Variants in SYT1 observed in about 807,000 individuals in gnomAD.
The protein encoded by SYT1 is synaptotagmin 1, also known as synaptotagmin-1.
In SYT1, 8 loss-of-function variants were observed where a neutral mutation model predicts 44.8. The observed-to-expected ratio is 0.18, with a 90% CI of 0.10 to 0.32. SYT1 has a LOEUF of 0.32. SYT1 is among the 10% of genes least tolerant of loss of function. The pLI, the probability that SYT1 is intolerant of heterozygous loss-of-function variation, is 1.00. For missense variants in SYT1, 286 were observed against 509.3 expected, an observed-to-expected ratio of 0.56 and a Z score of 4.22; for synonymous variants, 154 against 188.8, an observed-to-expected ratio of 0.82 and a Z score of 1.51.
At chr12:78,992,325 G>A (rs745583538) in intron 2 of SYT1, among the ~76,000 whole-genome samples, 12 of 152,166 alleles carry the variant, frequency 7.9e-5, no homozygotes, top group Admixed American at 2.6e-4. Flanking sequence ...GGTAGTTATG[G>A]TTTTTCCCAA....
intron 3 of SYT1, among the ~76,000 whole-genome samples, chr12:79,209,859 C>T (rs1019863395): frequency 2.6e-5 from 4 of 152,188 alleles, no homozygotes; most frequent in African/African-American, 7.2e-5. Context: ...TAACACCTTC[C>T]ATAATATCTC....
At chr12:79,017,646 A>C (rs567489025) in intron 2 of SYT1, among the ~76,000 whole-genome samples, 1 of 152,196 alleles carries the variant, frequency 6.6e-6, no homozygotes, top group East Asian at 1.9e-4. Flanking sequence ...GTTGGGAGCC[A>C]ATGTTGGAGG....
intron 3 of SYT1, among the ~76,000 whole-genome samples, chr12:79,201,178 T>G (rs1873763896): frequency 6.6e-6 from 1 of 152,142 alleles, no homozygotes; most frequent in Non-Finnish European, 1.5e-5. Flanking sequence ...CCATACGTAT[T>G]TTTTGGAAGT....
At chr12:79,045,925 G>A (rs1393546215) in intron 2 of SYT1, 1 of 152,026 alleles carries the variant, frequency 6.6e-6, no homozygotes, top group African/African-American at 2.4e-5. Context: ...CATATTTCTT[G>A]TAAGAAGCTC....
At chr12:79,093,383 AAC>A (rs1166475850) in intron 3 of SYT1, among the ~76,000 whole-genome samples, 1 of 151,798 alleles carries the variant, frequency 6.6e-6, no homozygotes, top group Non-Finnish European at 1.5e-5. Flanking sequence ...TAATTATAGA[AAC>A]AGTTTAATTC....
At chr12:79,048,726 A>G (rs745865822) in intron 3 of SYT1, among the ~76,000 whole-genome samples, 6 of 151,952 alleles carry the variant, frequency 3.9e-5, no homozygotes, top group Non-Finnish European at 7.4e-5. Flanking sequence ...ATGTTTACAT[A>G]GTTCTGGGTA....
intron 1 of SYT1, among the ~76,000 whole-genome samples, chr12:78,865,569 G>C (rs1028066192): frequency 1.8e-4 from 27 of 151,714 alleles, no homozygotes; most frequent in African/African-American, 5.3e-4. Flanking sequence ...GGATATGGGG[G>C]GGGGGGGGAA....
intron 10 of SYT1, among the ~76,000 whole-genome samples, chr12:79,446,426 T>G (rs571104791): frequency 1.3e-5 from 2 of 152,230 alleles, no homozygotes; most frequent in African/African-American, 4.8e-5. Flanking sequence ...ATCCATGCTG[T>G]CCAATAATAT....
chr12:79,100,933 C>T (rs867998074), intron 3 of SYT1, among the ~76,000 whole-genome samples: 7 of 152,202 alleles, frequency 4.6e-5, no homozygotes, highest in African/African-American at 1.2e-4. Context: ...ATGCAAACCA[C>T]ATTGTGGCTT....
chr12:79,179,014 A>ATATC (rs1872125959), intron 3 of SYT1, among the ~76,000 whole-genome samples: 1 of 20,344 alleles, frequency 4.9e-5, no homozygotes, highest in African/African-American at 3.1e-4. Flanking sequence ...ATAGATATAT[A>ATATC]GATATAGATA....
At chr12:79,215,603 G>C (rs1592860639) in intron 3 of SYT1, among the ~76,000 whole-genome samples, 1 of 152,144 alleles carries the variant, frequency 6.6e-6, no homozygotes, top group Non-Finnish European at 1.5e-5. Flanking sequence ...GCTGAAACCA[G>C]TAGGATCATG....
intron 3 of SYT1, among the ~76,000 whole-genome samples, chr12:79,179,127 G>T (rs371918949): frequency 1.6e-4 from 13 of 83,150 alleles, no homozygotes; most frequent in East Asian, 1.1e-3. Flanking sequence ...TATAGATATA[G>T]ATATATAGAT....
intron 4 of SYT1, among the ~76,000 whole-genome samples, chr12:79,257,360 A>G (rs1412233703): frequency 1.3e-5 from 2 of 152,226 alleles, no homozygotes; most frequent in East Asian, 1.9e-4. Flanking sequence ...AACTAAATCT[A>G]TTTATCATCT....
chr12:78,882,272 G>T (rs559410217), intron 1 of SYT1, among the ~76,000 whole-genome samples: 1 of 151,812 alleles, frequency 6.6e-6, no homozygotes, highest in South Asian at 2.1e-4. Context: ...TTTCTGTATT[G>T]GGGAGGAAAC....
intron 1 of SYT1, among the ~76,000 whole-genome samples, chr12:78,930,308 A>G (rs927175819): frequency 4.6e-5 from 7 of 152,174 alleles, no homozygotes; most frequent in Admixed American, 6.5e-5. Flanking sequence ...ATTTAAAAAT[A>G]AACCAATAGA....
chr12:78,916,769 CT>C (rs1428757147), intron 1 of SYT1, among the ~76,000 whole-genome samples: 3 of 151,902 alleles, frequency 2.0e-5, no homozygotes, highest in African/African-American at 7.3e-5. Flanking sequence ...TACCTAATTT[CT>C]TTTTAAAGAC....
At chr12:79,351,752 G>A (rs1882913530) in intron 8 of SYT1, among the ~76,000 whole-genome samples, 1 of 152,060 alleles carries the variant, frequency 6.6e-6, no homozygotes, top group African/African-American at 2.4e-5. Flanking sequence ...GAGTGAGTAG[G>A]CACATCAGGT....
chr12:78,953,537 A>G (rs1879071086), intron 1 of SYT1, among the ~76,000 whole-genome samples: 1 of 152,066 alleles, frequency 6.6e-6, no homozygotes, highest in Non-Finnish European at 1.5e-5. Flanking sequence ...CCGTTTAAGG[A>G]GCTTTGAGGT....
intron 3 of SYT1, among the ~76,000 whole-genome samples, chr12:79,055,915 G>A (rs1285785664): frequency 2.6e-5 from 4 of 151,896 alleles, no homozygotes; most frequent in African/African-American, 9.7e-5. Context: ...ATGATGGACT[G>A]CATATATAGC....
Sources: gnomAD v4.1 joint callset for allele counts (sites outside exome capture counted in the v4.1 genomes callset) on GRCh38, gnomAD v4.1.1 for gene constraint, MANE v1.5 for transcripts, NCBI Gene and HGNC (gene_info 2026-07-23, HGNC 2026-07-21) for gene names.